WNT3A: variants seen among roughly 807,000 people sequenced by gnomAD.
WNT3A encodes Wnt family member 3A.
In WNT3A, 17 loss-of-function variants were observed where a neutral mutation model predicts 37.0. The ratio of observed to expected loss-of-function variants is 0.46; its 90% CI spans 0.31 to 0.69. WNT3A has a LOEUF of 0.69. Among genes scored for constraint, WNT3A ranks in the 30% least tolerant of loss-of-function variants. WNT3A has a pLI of 0.05. For synonymous variants in WNT3A, 187 were observed against 211.0 expected (o/e 0.89, Z 0.99); for missense variants, 411 against 510.2 (o/e 0.81, Z 1.87).
At chr1:228,046,606 C>T (rs1387223498) in intron 2 of WNT3A, among the ~76,000 whole-genome samples, 2 of 141,416 alleles carry the variant, frequency 1.4e-5, no homozygotes, top group Admixed American at 1.4e-4. Context: ...TATGTGCATG[C>T]ATGTGTGTGC....
rs1456004686 is a variant in WNT3A at position 228,007,928 on chromosome 1, G to T, written c.71+729G>T. On this transcript the variant is annotated intron_variant, in intron 1 of 3. Coordinates refer to ENST00000284523, the MANE Select transcript of WNT3A (RefSeq NM_033131.4). The surrounding 1 kb of genome is among the most constrained non-coding windows in gnomAD (Gnocchi z 6.0). ...GCTCCAGGACCCTCAATCAGAAAGC[G>T]CTGTGCTGCGCCCTCCACACCAGAA... is the stretch of plus-strand genomic sequence containing the variant. Among the ~76,000 whole-genome samples, 1 of 152,202 alleles carries T rather than the reference G, an allele frequency of 6.6e-6. No individual in the cohort carries two copies. Among genetic ancestry groups the T allele is most frequent in the Non-Finnish European group, 1.5e-5 (1 of 68,032 alleles).
At chr1:228,032,179 C>T (rs569206122) in intron 2 of WNT3A, among the ~76,000 whole-genome samples, 1 of 152,362 alleles carries the variant, frequency 6.6e-6, no homozygotes, top group South Asian at 2.1e-4. Flanking sequence ...CTCACTGACT[C>T]CCAACCTGGG....
At position 228,039,524 on chromosome 1, in the gene WNT3A, G is replaced by A. The variant is rs562215088; in HGVS notation, c.314-11132G>A. Among the ~76,000 whole-genome samples, 4 of 152,288 alleles carry A rather than the reference G, an allele frequency of 2.6e-5. No individual in the cohort carries two copies. The East Asian group carries it at 7.7e-4, about 29-fold the overall frequency. ...TCAGGGTCTTGTCCAGGGTCCCATAGAGCCCTTACAAAGTCATGGCCAAGC... is the reference window on the plus strand; with the variant it reads ...TCAGGGTCTTGTCCAGGGTCCCATAAAGCCCTTACAAAGTCATGGCCAAGC... On this transcript the variant is annotated intron_variant, in intron 2 of 3. Coordinates refer to ENST00000284523, the MANE Select transcript of WNT3A (RefSeq NM_033131.4). This position sits in a 1 kb window ranked among gnomAD's most constrained non-coding sequence, Gnocchi z 4.1.
intron 2 of WNT3A, among the ~76,000 whole-genome samples, chr1:228,044,364 C>T (rs763722837): frequency 1.3e-5 from 2 of 152,174 alleles, no homozygotes; most frequent in African/African-American, 4.8e-5. Flanking sequence ...AGCTTTCCTT[C>T]GTTTTTCTAT....
At chr1:228,019,002 C>T (rs1215558151) in intron 1 of WNT3A, among the ~76,000 whole-genome samples, 3 of 152,262 alleles carry the variant, frequency 2.0e-5, no homozygotes, top group African/African-American at 7.2e-5. Context: ...AGGGAGGGGT[C>T]CCATCAGGGC....
intron 2 of WNT3A, among the ~76,000 whole-genome samples, chr1:228,027,719 G>C (rs1273487897): frequency 6.6e-6 from 1 of 152,106 alleles, no homozygotes; most frequent in Non-Finnish European, 1.5e-5. Context: ...CCCACTCTGT[G>C]GGTTGTCTGT....
intron 2 of WNT3A, among the ~76,000 whole-genome samples, chr1:228,048,221 C>T (rs1420138766): frequency 6.6e-6 from 1 of 152,186 alleles, no homozygotes; most frequent in Non-Finnish European, 1.5e-5. Context: ...GAGGGCCCAT[C>T]GGAGCTCCCT....
chr1:228,007,036 C>A lies in WNT3A; in HGVS notation c.-93C>A, dbSNP rs1033423120. On this transcript the variant is annotated 5_prime_UTR_variant, in exon 1 of 4. Transcript: ENST00000284523. The surrounding 1 kb of genome is among the most constrained non-coding windows in gnomAD (Gnocchi z 6.0). ...CACCCGCGGCCGCAGGAGGGCCCAG[C>A]GACGCCGCCGCGCCAGCTCCCAGGG... The A allele has an allele frequency of 5.5e-6, 5 of 908,054 alleles. No homozygotes were observed. The highest frequency in any genetic ancestry group is 7.2e-6 in the Non-Finnish European group (5 of 698,404). 56.2% of individuals were successfully genotyped at this position (908,054 alleles called of 1,614,324 possible).
chr1:228,056,909 G>T (rs1448135626), intron 3 of WNT3A, among the ~76,000 whole-genome samples: 1 of 152,068 alleles, frequency 6.6e-6, no homozygotes, highest in Non-Finnish European at 1.5e-5. Flanking sequence ...TTTAAGCCAA[G>T]AATTCACTTC....
rs2031090168 is a variant in WNT3A at position 228,034,552 on chromosome 1, T to C, written c.313+11644T>C. Among the ~76,000 whole-genome samples the C allele has an allele frequency of 2.0e-5, 3 of 152,208 alleles. No homozygotes were observed. The South Asian group carries it at 6.2e-4, about 31-fold the overall frequency. On this transcript the variant is annotated intron_variant, in intron 2 of 3. Coordinates refer to ENST00000284523, the MANE Select transcript of WNT3A (RefSeq NM_033131.4). ...TTCAGTCTTTCACCACTGGATAGGA[T>C]GTTAGCTGCAGGTAGGCCCCTCTTG...
intron 2 of WNT3A, among the ~76,000 whole-genome samples, chr1:228,028,957 G>GTT (rs891481842): frequency 8.0e-5 from 12 of 149,748 alleles, no homozygotes; most frequent in African/African-American, 2.7e-4. Context: ...GGCAAAACGA[G>GTT]TTTTTTTTTT....
intron 1 of WNT3A, among the ~76,000 whole-genome samples, chr1:228,018,048 C>T (rs940563426): frequency 6.6e-6 from 1 of 152,242 alleles, no homozygotes; most frequent in Non-Finnish European, 1.5e-5. Flanking sequence ...ATCCTTTTCA[C>T]GTTCCAAGGT....
At chr1:228,020,054 C>T (rs1024153309) in intron 1 of WNT3A, among the ~76,000 whole-genome samples, 4 of 152,196 alleles carry the variant, frequency 2.6e-5, no homozygotes, top group South Asian at 2.1e-4. Flanking sequence ...GGCAAAACCC[C>T]GTCTACTAAA....
intron 1 of WNT3A, among the ~76,000 whole-genome samples, chr1:228,011,999 G>C (rs1284286809): frequency 6.6e-6 from 1 of 152,262 alleles, no homozygotes; most frequent in Non-Finnish European, 1.5e-5. Flanking sequence ...GCACTGGCCA[G>C]CTTGGGCCCT....
At chr1:228,056,564 A>G (rs2031686387) in intron 3 of WNT3A, among the ~76,000 whole-genome samples, 1 of 152,228 alleles carries the variant, frequency 6.6e-6, no homozygotes, top group South Asian at 2.1e-4. Context: ...CAAGGAGAAG[A>G]TTTGGAGGAT....
intron 3 of WNT3A, among the ~76,000 whole-genome samples, chr1:228,054,560 G>A (rs569996789): frequency 1.5e-4 from 23 of 150,176 alleles, no homozygotes; most frequent in South Asian, 4.2e-4. Context: ...CCCAGGAGGC[G>A]GAGCTTGCAG....
intron 1 of WNT3A, among the ~76,000 whole-genome samples, chr1:228,020,443 G>A (rs1246188060): frequency 6.6e-6 from 1 of 152,230 alleles, no homozygotes; most frequent in Non-Finnish European, 1.5e-5. Context: ...CCAGGTCACA[G>A]ACAGCTGACC....
rs899749190 is a variant in WNT3A, at chr1:228,050,991, T to C, written c.579+70T>C. The C allele has an allele frequency of 1.4e-6, 2 of 1,450,094 alleles. No homozygotes were observed. The highest frequency in any genetic ancestry group is 1.8e-6 in the Non-Finnish European group (2 of 1,103,210). 89.8% of individuals were successfully genotyped at this position (1,450,094 alleles called of 1,614,324 possible). ...TCAGCAGGGTGTGTGCCCTGGTTCC[T>C]TGGGGCATATGGCCCGGTGAGGCAG... On this transcript the variant is annotated intron_variant, in intron 3 of 3. Coordinates refer to ENST00000284523, the MANE Select transcript of WNT3A (RefSeq NM_033131.4). This position sits in a 1 kb window ranked among gnomAD's most constrained non-coding sequence, Gnocchi z 5.0.
chr1:228,022,104 A>C (rs2030722062), intron 1 of WNT3A, among the ~76,000 whole-genome samples: 1 of 152,260 alleles, frequency 6.6e-6, no homozygotes, highest in African/African-American at 2.4e-5. Context: ...AAAAAATTAA[A>C]TAGCCAGCAT....
Sources: gnomAD v4.1 joint callset for allele counts (sites outside exome capture counted in the v4.1 genomes callset) on GRCh38, gnomAD v4.1.1 for gene constraint, Gnocchi (gnomAD v3.1) non-coding constraint, MANE v1.5 for transcripts, NCBI Gene and HGNC (gene_info 2026-07-23, HGNC 2026-07-21) for gene names.